Variants in OSBPL2 observed in about 807,000 individuals in gnomAD.
OSBPL2 encodes the protein oxysterol binding protein like 2, also known as oxysterol-binding protein-related protein 2.
A neutral mutation model predicts 58.4 loss-of-function variants in OSBPL2; 18 were observed. The observed-to-expected ratio is 0.31, with a 90% confidence interval of 0.21 to 0.46. OSBPL2 has a LOEUF of 0.46. OSBPL2 is among the 20% of genes least tolerant of loss of function. OSBPL2 has a pLI of 1.00. For missense variants in OSBPL2, 461 were observed against 616.5 expected (o/e 0.75, Z 2.67); for synonymous variants, 221 against 234.1 (o/e 0.94, Z 0.51).
chr20:62,244,369 C>T (rs1012095797), intron 1 of OSBPL2, among the ~76,000 whole-genome samples: 6 of 152,232 alleles, frequency 3.9e-5, no homozygotes, highest in African/African-American at 1.4e-4. Flanking sequence ...AGATACACAG[C>T]GGCGGCGGGT....
At chr20:62,262,570 C>G (rs1482120913) in intron 3 of OSBPL2, among the ~76,000 whole-genome samples, 3 of 152,222 alleles carry the variant, frequency 2.0e-5, no homozygotes, top group Admixed American at 2.0e-4. Context: ...CAGCCCGGGC[C>G]TGGTACTCAG....
chr20:62,289,760 G>A (rs1412809104), intron 12 of OSBPL2, among the ~76,000 whole-genome samples: 1 of 151,904 alleles, frequency 6.6e-6, no homozygotes, highest in African/African-American at 2.4e-5. Context: ...AAGAGATTAG[G>A]CGGTCATGGT....
intron 4 of OSBPL2, 88 bp downstream of exon 4, chr20:62,263,779 C>CCCGGCCAAGAGCGCATTT: frequency 8.0e-7 from 1 of 1,252,066 alleles, no homozygotes; most frequent in Non-Finnish European, 1.2e-6. Flanking sequence ...AGAAAATGCG[C>CCCGGCCAAGAGCGCATTT]TCTTGGCCGG....
At chr20:62,281,207 G>T (rs749526686) in intron 8 of OSBPL2, 42 bp downstream of exon 8, 1 of 1,440,708 alleles carries the variant, frequency 6.9e-7, no homozygotes, top group South Asian at 1.1e-5. Flanking sequence ...GAGGCTCCGG[G>T]TGGGGATGGG....
intron 1 of OSBPL2, among the ~76,000 whole-genome samples, chr20:62,248,155 C>CTTTTTTTTTTTTTTTT (rs11470491): frequency 5.0e-5 from 6 of 118,852 alleles, no homozygotes; most frequent in Non-Finnish European, 6.8e-5. Flanking sequence ...CTTTTCTTTT[C>CTTTTTTTTTTTTTTTT]TTTTTTTTTT....
intron 1 of OSBPL2, among the ~76,000 whole-genome samples, chr20:62,250,364 C>T (rs1010616799): frequency 2.6e-5 from 4 of 152,146 alleles, no homozygotes; most frequent in African/African-American, 9.7e-5. Flanking sequence ...AATTCACTGT[C>T]GCACATGCAG....
Position 62,261,132 on chromosome 20 carries a change from A to G in OSBPL2, c.182+1007A>G, listed in dbSNP as rs138512162. On this transcript the variant is annotated intron_variant, in intron 3 of 13. Coordinates refer to ENST00000313733, the MANE Select transcript of OSBPL2 (RefSeq NM_144498.4). ...GGAGATTGAGACCATCCTGGCCAAC[A>G]TGGAGAAACCCCATCTCTACTAAAA... 7.4e-3 allele frequency among the ~76,000 whole-genome samples: 1,129 copies of G among 152,168 alleles called. 9 individuals carry two copies. The highest frequency in any genetic ancestry group is 9.3e-3 in the Non-Finnish European group (632 of 68,004).
rs1465289383 is a variant in OSBPL2 at position 62,291,759 on chromosome 20, G to C, written c.1306G>C (p.Glu436Gln). 1 of 1,611,122 alleles carries C rather than the reference G, an allele frequency of 6.2e-7. No homozygotes were observed. Among genetic ancestry groups the C allele is most frequent in the South Asian group, 1.1e-5 (1 of 91,024 alleles). Residue 436 changes from glutamate to glutamine, a missense_variant, in exon 13 of 14, where the codon GAG becomes CAG. By Grantham distance (29) the Glu-to-Gln change is conservative. Around this residue, in one of 5 missense-constraint regions of OSBPL2, gnomAD observed 319 missense variants for 419.2 expected, o/e 0.76. Transcript: ENST00000313733. ...LEEKQREARR[E>Q]RAKEEAEWQT... is the part of the protein sequence containing the mutation. ...GGAGAAGCAGAGAGAAGCACGGAGG[G>C]AGCGGGCCAAGGAGGAGGCAGAGTG...
At chr20:62,260,198 T>G (rs1981208484) in intron 3 of OSBPL2, 73 bp downstream of exon 3, 1 of 1,447,840 alleles carries the variant, frequency 6.9e-7, no homozygotes, top group Non-Finnish European at 9.5e-7. Flanking sequence ...AGGGTACCCC[T>G]CAGCCCTCAC....
intron 1 of OSBPL2, among the ~76,000 whole-genome samples, chr20:62,254,077 C>T (rs994833577): frequency 6.6e-6 from 1 of 152,164 alleles, no homozygotes; most frequent in Non-Finnish European, 1.5e-5. Flanking sequence ...GGATTACAGG[C>T]GTGAGCCAAC....
At chr20:62,241,234 G>A (rs977625998) in intron 1 of OSBPL2, among the ~76,000 whole-genome samples, 1 of 151,670 alleles carries the variant, frequency 6.6e-6, no homozygotes, top group Non-Finnish European at 1.5e-5. Context: ...GCAGTGGCGC[G>A]AACTCGGCTC....
chr20:62,283,901 T>C (rs963840857), intron 9 of OSBPL2, 145 bp from the exon 10 acceptor site: 3 of 795,242 alleles, frequency 3.8e-6, no homozygotes, highest in Non-Finnish European at 5.9e-6. Context: ...AGAATGCAAA[T>C]TTTCACCTTC....
chr20:62,267,021 G>A (rs893322818), intron 4 of OSBPL2, among the ~76,000 whole-genome samples: 5 of 152,222 alleles, frequency 3.3e-5, no homozygotes, highest in African/African-American at 4.8e-5. Flanking sequence ...AGGCTGAGGC[G>A]AGAGGATCGC....
At chr20:62,238,762 C>G (rs1367759270) in intron 1 of OSBPL2, among the ~76,000 whole-genome samples, 165 bp downstream of exon 1, 1 of 151,394 alleles carries the variant, frequency 6.6e-6, no homozygotes, top group Non-Finnish European at 1.5e-5. Context: ...CGGCCTCGAC[C>G]CCCACTGGGA....
rs1037599763 is a variant in OSBPL2 at position 62,288,983 on chromosome 20, G to A, written c.1126-224G>A. Among the ~76,000 whole-genome samples, 3 of 152,166 alleles carry A rather than the reference G, an allele frequency of 2.0e-5. No individual in the cohort carries two copies. The highest frequency in any genetic ancestry group is 4.8e-5 in the African/African-American group (2 of 41,432). ...AAAAGAAATGTGTGTGAGTTTTGCT[G>A]GTATACCTCAAAATGCAAACGTTAC... is the stretch of plus-strand genomic sequence containing the variant. On this transcript the variant is annotated intron_variant, in intron 11 of 13. Transcript: ENST00000313733. This position sits in a 1 kb window ranked among gnomAD's most constrained non-coding sequence, Gnocchi z 4.8.
chr20:62,289,933 A>G (rs181425460), intron 12 of OSBPL2, among the ~76,000 whole-genome samples: 1 of 152,180 alleles, frequency 6.6e-6, no homozygotes, highest in Non-Finnish European at 1.5e-5. Context: ...CAAAAAACAC[A>G]AACAAAAAAC....
At chr20:62,259,231 A>G (rs1159817616) in intron 2 of OSBPL2, 2 of 152,388 alleles carry the variant, frequency 1.3e-5, no homozygotes, top group East Asian at 3.9e-4. Flanking sequence ...TGGCCCTTCC[A>G]GCAACTCAGA....
chr20:62,267,297 G>A (rs1364061407), intron 4 of OSBPL2, among the ~76,000 whole-genome samples: 2 of 152,210 alleles, frequency 1.3e-5, no homozygotes, highest in Non-Finnish European at 2.9e-5. Context: ...CTAACTCACT[G>A]GGAGTTGCTA....
chr20:62,287,012 G>A (rs779021653), intron 11 of OSBPL2, among the ~76,000 whole-genome samples: 9 of 152,234 alleles, frequency 5.9e-5, no homozygotes, highest in Non-Finnish European at 1.0e-4. Flanking sequence ...GCTGCCCGCC[G>A]GGCACACATG....
Sources: gnomAD v4.1 joint callset for allele counts (sites outside exome capture counted in the v4.1 genomes callset) on GRCh38, gnomAD v4.1.1 for gene constraint, gnomAD v4.1.1 regional missense constraint, Gnocchi (gnomAD v3.1) non-coding constraint, MANE v1.5 for transcripts, NCBI Gene and HGNC (gene_info 2026-07-23, HGNC 2026-07-21) for gene names.